MCTP1: variants seen among roughly 807,000 people sequenced by gnomAD.
The protein encoded by MCTP1 is multiple C2 and transmembrane domain containing 1, also known as multiple C2 and transmembrane domain-containing protein 1.
MCTP1 carries 69 observed loss-of-function variants against 120.6 expected under a neutral mutation model. The ratio of observed to expected loss-of-function variants is 0.57; its 90% CI spans 0.47 to 0.70. The LOEUF (loss-of-function observed/expected upper bound fraction) is 0.70, where lower values mean the gene tolerates loss of function less well. MCTP1 is among the 30% of genes least tolerant of loss of function. The pLI is 0.00. For missense variants in MCTP1, 1,203 were observed against 1,248.8 expected, an observed-to-expected ratio of 0.96 and a Z score of 0.55; for synonymous variants, 529 against 493.1, an observed-to-expected ratio of 1.07 and a Z score of -0.96.
intron 18 of MCTP1, among the ~76,000 whole-genome samples, chr5:94,787,677 C>G (rs1383640601): frequency 6.7e-6 from 1 of 150,286 alleles, no homozygotes; most frequent in South Asian, 2.1e-4. Flanking sequence ...AGTGCAGTGG[C>G]GCGATCTCGG....
chr5:95,002,192 T>C (rs1833868450), intron 2 of MCTP1, among the ~76,000 whole-genome samples: 1 of 152,224 alleles, frequency 6.6e-6, no homozygotes, highest in African/African-American at 2.4e-5. Context: ...TACCTGAATG[T>C]CCAGGCAGAA....
intron 1 of MCTP1, among the ~76,000 whole-genome samples, chr5:95,041,311 GAAAAAAAAAA>G (rs58379749): frequency 2.2e-5 from 2 of 89,816 alleles, no homozygotes; most frequent in Admixed American, 1.2e-4. Context: ...CCCATGCTCT[GAAAAAAAAAA>G]AAAAAAAAAA....
chr5:95,130,929 A>G (rs532852855), intron 1 of MCTP1, among the ~76,000 whole-genome samples: 5 of 152,318 alleles, frequency 3.3e-5, no homozygotes, highest in African/African-American at 1.2e-4. Context: ...TTCAATCAAT[A>G]AATTATTTTA....
chr5:95,278,087 GA>G (rs557380256), intron 1 of MCTP1, among the ~76,000 whole-genome samples: 3,364 of 126,174 alleles, frequency 0.027, 92 homozygotes, highest in African/African-American at 0.073. Context: ...TATTCTGCCA[GA>G]AAAAAAAAAA....
intron 1 of MCTP1, among the ~76,000 whole-genome samples, chr5:95,115,913 T>G (rs1427596721): frequency 6.6e-6 from 1 of 151,988 alleles, no homozygotes; most frequent in South Asian, 2.1e-4. Context: ...AAAATGGAGC[T>G]GTAATACATC....
At chr5:95,054,500 C>A (rs1746835222) in intron 1 of MCTP1, among the ~76,000 whole-genome samples, 1 of 152,150 alleles carries the variant, frequency 6.6e-6, no homozygotes, top group African/African-American at 2.4e-5. Context: ...GAGTATCACC[C>A]ACTTGACAAA....
chr5:94,739,737 C>A (rs1400048205), intron 19 of MCTP1, among the ~76,000 whole-genome samples: 1 of 152,112 alleles, frequency 6.6e-6, no homozygotes, highest in Admixed American at 6.5e-5. Flanking sequence ...TGATCTCAGC[C>A]CACTGCAACC....
At chr5:94,874,297 T>C (rs73136009) in intron 12 of MCTP1, among the ~76,000 whole-genome samples, 8,040 of 152,216 alleles carry the variant, frequency 0.053, 231 homozygotes, top group African/African-American at 0.068. Context: ...TTAAATATCA[T>C]TGAAGATTTT....
intron 19 of MCTP1, among the ~76,000 whole-genome samples, chr5:94,752,108 AATATATATAT>A (rs146434254): frequency 0.075 from 5,665 of 75,712 alleles, 655 homozygotes; most frequent in African/African-American, 0.15. Flanking sequence ...TAAATAATAA[AATATATATAT>A]ATATATATAT....
intron 19 of MCTP1, among the ~76,000 whole-genome samples, chr5:94,733,923 C>A (rs1277487795): frequency 6.7e-6 from 1 of 149,400 alleles, no homozygotes; most frequent in African/African-American, 2.5e-5. Context: ...CAGATCGTGC[C>A]ACTGTACTCC....
At chr5:95,000,121 C>T (rs1447488738) in intron 2 of MCTP1, among the ~76,000 whole-genome samples, 2 of 152,124 alleles carry the variant, frequency 1.3e-5, no homozygotes, top group Non-Finnish European at 2.9e-5. Context: ...AAATTCTTAT[C>T]ACTTAGTGAT....
chr5:95,004,775 C>T (rs1245888214), intron 2 of MCTP1, among the ~76,000 whole-genome samples: 1 of 152,192 alleles, frequency 6.6e-6, no homozygotes, highest in Non-Finnish European at 1.5e-5. Context: ...CCTGGATGTC[C>T]AGGCAGAAGC....
intron 19 of MCTP1, among the ~76,000 whole-genome samples, chr5:94,726,133 A>C (rs1484760336): frequency 6.6e-6 from 1 of 152,176 alleles, no homozygotes; most frequent in African/African-American, 2.4e-5. Context: ...ACTAAAGATC[A>C]GTTGCCTAAA....
chr5:95,275,684 CT>C (rs1759770446), intron 1 of MCTP1, among the ~76,000 whole-genome samples: 1 of 152,060 alleles, frequency 6.6e-6, no homozygotes, highest in African/African-American at 2.4e-5. Flanking sequence ...TTGTACAAGT[CT>C]TCAAAATTCA....
intron 1 of MCTP1, among the ~76,000 whole-genome samples, chr5:95,131,018 A>G (rs1759002572): frequency 6.6e-6 from 1 of 152,182 alleles, no homozygotes. Context: ...AATCTAACCC[A>G]TGCTTAAAAA....
chr5:94,754,713 C>A (rs952116103), intron 19 of MCTP1, among the ~76,000 whole-genome samples: 2 of 152,108 alleles, frequency 1.3e-5, no homozygotes, highest in African/African-American at 4.8e-5. Context: ...GCAGAAATTT[C>A]TGGTATAAAC....
intron 19 of MCTP1, among the ~76,000 whole-genome samples, chr5:94,753,845 G>C (rs1361191588): frequency 1.3e-5 from 2 of 152,166 alleles, no homozygotes; most frequent in African/African-American, 4.8e-5. Flanking sequence ...TCTGTGTTCA[G>C]TTGCCAGTGC....
chr5:94,840,384 T>C (rs368776796), intron 17 of MCTP1, among the ~76,000 whole-genome samples: 8 of 152,284 alleles, frequency 5.3e-5, no homozygotes, highest in African/African-American at 1.4e-4. Flanking sequence ...CTTTTCTCAT[T>C]CCTTAGTTGC....
intron 3 of MCTP1, among the ~76,000 whole-genome samples, chr5:94,952,171 C>CAAAAAAAAAAAAAA (rs57358026): frequency 0.027 from 2,376 of 87,642 alleles, 313 homozygotes; most frequent in Non-Finnish European, 0.036. Context: ...GACTTTGTCG[C>CAAAAAAAAAAAAAA]AAAAAAAAAA....
Sources: allele counts gnomAD v4.1 joint callset (sites outside exome capture counted in the v4.1 genomes callset), GRCh38; gene constraint gnomAD v4.1.1; transcripts MANE v1.5; gene names NCBI Gene and HGNC (gene_info 2026-07-23, HGNC 2026-07-21).